Variants in EYA4 observed in about 807,000 individuals in gnomAD.
EYA4 encodes protein phosphatase EYA4.
In EYA4, 31 loss-of-function variants were observed where a neutral mutation model predicts 87.9. The observed-to-expected ratio is 0.35, with a 90% confidence interval of 0.27 to 0.48. EYA4 has a LOEUF of 0.48. Among genes scored for constraint, EYA4 ranks in the 20% least tolerant of loss-of-function variants. EYA4 has a pLI of 0.99. For missense variants in EYA4, 678 were observed against 761.4 expected (o/e 0.89, Z 1.29); for synonymous variants, 263 against 270.6 (o/e 0.97, Z 0.28).
At chr6:133,347,883 G>A (rs185939869) in intron 2 of EYA4, among the ~76,000 whole-genome samples, 77 of 152,140 alleles carry the variant, frequency 5.1e-4, no homozygotes, top group Middle Eastern at 3.4e-3. Flanking sequence ...TTTATGAACC[G>A]GTCATTCATA....
chr6:133,334,690 T>C (rs1157917926), intron 2 of EYA4, among the ~76,000 whole-genome samples: 1 of 152,174 alleles, frequency 6.6e-6, no homozygotes, highest in African/African-American at 2.4e-5. Context: ...AAAAGAACCC[T>C]AGTGACCTGC....
intron 3 of EYA4, among the ~76,000 whole-genome samples, chr6:133,385,543 T>C (rs1786676613): frequency 6.6e-6 from 1 of 151,934 alleles, no homozygotes; most frequent in Non-Finnish European, 1.5e-5. Context: ...AGTGAAATAC[T>C]GTATCCGCAT....
intron 1 of EYA4, among the ~76,000 whole-genome samples, chr6:133,257,894 T>C (rs181910292): frequency 4.3e-4 from 48 of 112,786 alleles, no homozygotes; most frequent in African/African-American, 1.2e-3. Flanking sequence ...ATTGACTATT[T>C]ATGCACTCAT....
upstream of EYA4, among the ~76,000 whole-genome samples, chr6:133,241,134 G>C (rs993883418): frequency 6.6e-6 from 1 of 152,072 alleles, no homozygotes; most frequent in African/African-American, 2.4e-5. Context: ...CCCCACGCGA[G>C]ATCGCAAACC....
At chr6:133,389,772 C>G (rs1291894613) in intron 3 of EYA4, among the ~76,000 whole-genome samples, 1 of 152,194 alleles carries the variant, frequency 6.6e-6, no homozygotes, top group Non-Finnish European at 1.5e-5. Context: ...CCTAATCCTG[C>G]TGGTCATCAA....
At chr6:133,462,055 C>A in intron 7 of EYA4, 1 of 436,332 alleles carries the variant, frequency 2.3e-6, no homozygotes, top group Non-Finnish European at 4.3e-6. Context: ...AATTGTAGAC[C>A]TGGAAGAGAC....
At chr6:133,460,424 T>C (rs1341328599) in intron 6 of EYA4, among the ~76,000 whole-genome samples, 1 of 152,128 alleles carries the variant, frequency 6.6e-6, no homozygotes, top group African/African-American at 2.4e-5. Context: ...GATGAACTGT[T>C]AATAGGACCT....
rs1327172282 is a variant in EYA4 at position 133,531,853 on chromosome 6, C to T, written c.*3048C>T. On this transcript the variant is annotated 3_prime_UTR_variant, in exon 20 of 20. Transcript: ENST00000355286. ...TTAAAGCACATTTGTTTATGACAAG[C>T]CTACATTCTCAGTGAATATGGCATT... is the stretch of plus-strand genomic sequence containing the variant. The T allele has an allele frequency of 6.6e-6, 1 of 152,110 alleles. No individual in the cohort carries two copies. The highest frequency in any genetic ancestry group is 1.5e-5 in the Non-Finnish European group (1 of 68,014). The allele number at this position is 152,110 out of a possible 1,614,324, so 9.4% of individuals were successfully genotyped here. A position where few individuals can be genotyped will look rare whatever the true frequency, so the allele number is the denominator to read the frequency against.
At chr6:133,518,950 A>G (rs933905986) in intron 17 of EYA4, among the ~76,000 whole-genome samples, 4 of 151,160 alleles carry the variant, frequency 2.6e-5, no homozygotes, top group Admixed American at 6.6e-5. Context: ...GAAACCAACG[A>G]GAACAAAGAC....
At chr6:133,266,619 T>C (rs1332625855) in intron 1 of EYA4, among the ~76,000 whole-genome samples, 1 of 152,192 alleles carries the variant, frequency 6.6e-6, no homozygotes, top group Admixed American at 6.5e-5. Flanking sequence ...GGAAATTGCC[T>C]GGTAGACTAA....
chr6:133,276,939 C>T (rs1166120413), intron 2 of EYA4, among the ~76,000 whole-genome samples: 1 of 151,216 alleles, frequency 6.6e-6, no homozygotes, highest in Non-Finnish European at 1.5e-5. Flanking sequence ...AGAATCAGCC[C>T]CTTTACATGG....
At chr6:133,428,911 C>CTTT (rs58727159) in intron 3 of EYA4, among the ~76,000 whole-genome samples, 5,674 of 47,864 alleles carry the variant, frequency 0.12, 1,767 homozygotes, top group Non-Finnish European at 0.15. Context: ...GATTTAGCTT[C>CTTT]TTTTTTTTTT....
chr6:133,312,906 C>T (rs1356417209), intron 2 of EYA4, among the ~76,000 whole-genome samples: 1 of 151,952 alleles, frequency 6.6e-6, no homozygotes, highest in Non-Finnish European at 1.5e-5. Flanking sequence ...TTCCATTTCC[C>T]TGTAGCACTG....
intron 1 of EYA4, among the ~76,000 whole-genome samples, chr6:133,258,418 C>T (rs959358745): frequency 1.3e-5 from 2 of 152,078 alleles, no homozygotes; most frequent in Admixed American, 6.6e-5. Flanking sequence ...AGTATTTTCC[C>T]GCGCTTTCTT....
chr6:133,292,123 GT>G (rs761156138), intron 2 of EYA4, among the ~76,000 whole-genome samples: 2 of 152,174 alleles, frequency 1.3e-5, no homozygotes, highest in Non-Finnish European at 2.9e-5. Flanking sequence ...CCTTTCCAGA[GT>G]GCTTGTCCAC....
chr6:133,513,999 G>T (rs905114497), intron 16 of EYA4, among the ~76,000 whole-genome samples: 1 of 152,002 alleles, frequency 6.6e-6, no homozygotes, highest in Non-Finnish European at 1.5e-5. Flanking sequence ...ATGAGGGTGG[G>T]GCTATGTGTC....
At chr6:133,262,787 T>C (rs1775901891) in intron 1 of EYA4, among the ~76,000 whole-genome samples, 1 of 152,254 alleles carries the variant, frequency 6.6e-6, no homozygotes, top group Admixed American at 6.5e-5. Flanking sequence ...GTCCATGTTC[T>C]ATCTTTATAG....
chr6:133,456,841 C>T (rs573059493), intron 6 of EYA4, among the ~76,000 whole-genome samples, 193 bp downstream of exon 6: 79 of 152,242 alleles, frequency 5.2e-4, no homozygotes, highest in African/African-American at 1.7e-3. Flanking sequence ...AGAATAATTT[C>T]GCTTGATATT....
intron 2 of EYA4, among the ~76,000 whole-genome samples, chr6:133,351,248 G>A (rs576749043): frequency 2.1e-4 from 32 of 152,212 alleles, no homozygotes; most frequent in African/African-American, 5.3e-4. Flanking sequence ...GAATGTGTCC[G>A]GTATTTAGTG....
Sources: gnomAD v4.1 joint callset for allele counts (sites outside exome capture counted in the v4.1 genomes callset) on GRCh38, gnomAD v4.1.1 for gene constraint, MANE v1.5 for transcripts, NCBI Gene and HGNC (gene_info 2026-07-23, HGNC 2026-07-21) for gene names.